Variants in DNAH17 observed in about 807,000 individuals in gnomAD.
DNAH17 encodes dynein axonemal heavy chain 17.
DNAH17 carries 376 observed loss-of-function variants against 485.6 expected under a neutral mutation model. That is an observed-to-expected ratio of 0.77 (90% CI 0.71 to 0.84). The LOEUF (loss-of-function observed/expected upper bound fraction) is 0.84. Among genes scored for constraint, DNAH17 ranks in the 40% least tolerant of loss-of-function variants. DNAH17 has a pLI of 0.00. For missense variants in DNAH17, 6,370 were observed against 5,839.3 expected, an observed-to-expected ratio of 1.09 and a Z score of -2.96; for synonymous variants, 3,031 against 2,405.9, an observed-to-expected ratio of 1.26 and a Z score of -7.60.
At chr17:78,438,425 A>AGGG (rs2086925940) in intron 73 of DNAH17, among the ~76,000 whole-genome samples, 1 of 5,136 alleles carries the variant, frequency 1.9e-4, no homozygotes, top group African/African-American at 9.2e-4. Context: ...AAGTGAGGAG[A>AGGG]AGGAGGAGGA....
chr17:78,451,538 C>G lies in DNAH17; in HGVS notation c.10665G>C (p.Arg3555Ser), dbSNP rs749951856. 6.2e-7 allele frequency: 1 copy of G among 1,613,712 alleles called. No homozygotes were observed. Among genetic ancestry groups the G allele is most frequent in the Non-Finnish European group, 8.5e-7 (1 of 1,179,816 alleles). The change falls in exon 66 of 81, where the codon AGG (arginine) becomes AGC (serine). Residue 3555 changes from arginine to serine, a missense_variant. By Grantham distance (110) the Arg-to-Ser change is moderately radical. Coordinates refer to ENST00000389840, the MANE Select transcript of DNAH17 (RefSeq NM_173628.4). ...CCAAGAGTTGGTCCTCGAGTCCATC[C>G]CTGGTGACCAGGAAGTTGATGAGGG... ...QCTLINFLVTRDGLEDQLLAA... is the reference protein window; with the variant it reads ...QCTLINFLVTSDGLEDQLLAA...
intron 51 of DNAH17, among the ~76,000 whole-genome samples, chr17:78,477,868 C>T (rs1265082153): frequency 6.6e-6 from 1 of 152,024 alleles, no homozygotes; most frequent in Non-Finnish European, 1.5e-5. Flanking sequence ...AATATTATTA[C>T]CATCACCACC....
intron 17 of DNAH17, among the ~76,000 whole-genome samples, chr17:78,543,287 G>GTATTTT (rs1200669389): frequency 2.2e-5 from 3 of 139,228 alleles, no homozygotes; most frequent in African/African-American, 8.2e-5. Flanking sequence ...GTTAATTTTT[G>GTATTTT]TTTTTTTTTT....
In DNAH17 at chr17:78,499,041, G is replaced by C. The variant is rs1035524555; in HGVS notation, c.5712C>G (p.Ile1904Met). The change falls in exon 37 of 81, where the codon ATC (isoleucine) becomes ATG (methionine). Residue 1904 changes from isoleucine (I) to methionine (M), a missense_variant. Coordinates refer to ENST00000389840, the MANE Select transcript of DNAH17 (RefSeq NM_173628.4). ...CAATCACAGACAAGACTTCCACTGA[G>C]ATGCGATTAAACTCGTCAAAGCAGC... ...AWGCFDEFNR[I>M]SVEVLSVIAV... 1 of 1,611,230 alleles carries C rather than the reference G, an allele frequency of 6.2e-7. No individual in the cohort carries two copies.
chr17:78,548,154 A>G (rs1168261496), intron 16 of DNAH17, among the ~76,000 whole-genome samples: 1 of 137,192 alleles, frequency 7.3e-6, no homozygotes, highest in Non-Finnish European at 1.6e-5. Flanking sequence ...CTTTCCTCTC[A>G]TTCTGTTCTT....
At chr17:78,461,128 G>C (rs1186014964) in intron 58 of DNAH17, among the ~76,000 whole-genome samples, 1 of 152,042 alleles carries the variant, frequency 6.6e-6, no homozygotes, top group South Asian at 2.1e-4. Context: ...CTCGGGGGGG[G>C]CCCGGAGCCG....
At chr17:78,433,263 G>A (rs2086743968) in intron 75 of DNAH17, among the ~76,000 whole-genome samples, 1 of 152,190 alleles carries the variant, frequency 6.6e-6, no homozygotes, top group East Asian at 1.9e-4. Flanking sequence ...TCCAGTTTAT[G>A]GTTGGGGTGG....
chr17:78,458,372 G>A, intron 62 of DNAH17, 193 bp downstream of exon 62: 2 of 599,572 alleles, frequency 3.3e-6, no homozygotes. Context: ...ACGCGACAGG[G>A]CATATTTTGT....
In DNAH17 at chr17:78,530,372, C is replaced by T. The variant is rs748561977; in HGVS notation, c.3255G>A (p.Lys1085=). 1 of 1,612,148 alleles carries T rather than the reference C, an allele frequency of 6.2e-7. No homozygotes were observed. Among genetic ancestry groups the T allele is most frequent in the South Asian group, 1.1e-5 (1 of 91,014 alleles). Residue 1085 remains lysine (K), a synonymous_variant, in exon 21 of 81, where the codon AAG becomes AAA. Transcript: ENST00000389840. ...TGGTGACGTGGTTGCTCAGGTGCCG[C>T]TTGAACATGAAGCCCCAGCGCCGGA... The part of the protein sequence containing the change: ...STIRRWGFMF[K]RHLSNHVTNS...
intron 66 of DNAH17, among the ~76,000 whole-genome samples, chr17:78,451,261 G>C (rs965517757): frequency 6.6e-6 from 1 of 152,234 alleles, no homozygotes; most frequent in African/African-American, 2.4e-5. Context: ...ATTAAATTTG[G>C]GAGCAGGAAG....
At position 78,574,890 on chromosome 17, in the gene DNAH17, G is replaced by A. The variant is rs369784690; in HGVS notation, c.168C>T (p.Leu56=). ...AGGGTATGATCATGCCGGCTGCATT[G>A]AGCGTCAGCACCAGCACCTGGACGT... The part of the protein sequence containing the change: ...KPDVQVLVLT[L]NAAGMIIPCL... The change falls in exon 2 of 81, where the codon CTC becomes CTT. Residue 56 remains leucine, a synonymous_variant. Transcript: ENST00000389840. The A allele has an allele frequency of 1.1e-5, 17 of 1,613,996 alleles. No individual in the cohort carries two copies. The highest frequency in any genetic ancestry group is 1.4e-5 in the Non-Finnish European group (17 of 1,179,898).
At chr17:78,510,200 TAAAC>T (rs71161608) in intron 27 of DNAH17, among the ~76,000 whole-genome samples, 180 bp downstream of exon 27, 4,346 of 152,206 alleles carry the variant, frequency 0.029, 75 homozygotes, top group Middle Eastern at 0.058. Context: ...TAAAAAATAA[TAAAC>T]AAACAAATAG....
intron 17 of DNAH17, among the ~76,000 whole-genome samples, chr17:78,540,451 G>GTGGA (rs1329177222): frequency 6.6e-5 from 1 of 15,264 alleles, no homozygotes; most frequent in Non-Finnish European, 1.2e-4. Flanking sequence ...GGATGGATGG[G>GTGGA]TGGGTGGGTG....
In DNAH17 at chr17:78,426,524, A is replaced by G. The variant is rs535379541; in HGVS notation, c.12848T>C (p.Val4283Ala). 5.0e-6 allele frequency: 8 copies of G among 1,613,736 alleles called. No homozygotes were observed. Among genetic ancestry groups the G allele is most frequent in the Admixed American group, 1.7e-5 (1 of 60,002 alleles). The change falls in exon 79 of 81, where the codon GTG (valine) becomes GCG (alanine). Residue 4283 changes from valine to alanine, a missense_variant. By Grantham distance (64) the Val-to-Ala change is moderately conservative. Coordinates refer to ENST00000389840, the MANE Select transcript of DNAH17 (RefSeq NM_173628.4). ...LFYDTVPDTW[V>A]ARAYPSMMGL... ...CATCATGGAGGGGTAGGCCCGGGCCACCCACGTATCAGGCACGGTGTCATA... is the reference window on the plus strand; with the variant it reads ...CATCATGGAGGGGTAGGCCCGGGCCGCCCACGTATCAGGCACGGTGTCATA...
At chr17:78,494,350 G>A (rs1418200896) in intron 40 of DNAH17, among the ~76,000 whole-genome samples, 177 bp from the exon 41 acceptor site, 3 of 148,986 alleles carry the variant, frequency 2.0e-5, no homozygotes, top group East Asian at 2.0e-4. Context: ...GCTCCACCGC[G>A]ACCTCATGCA....
chr17:78,507,445 G>C lies in DNAH17; in HGVS notation c.4584+13C>G. 1.2e-6 allele frequency: 2 copies of C among 1,612,862 alleles called. No homozygotes were observed. Among genetic ancestry groups the C allele is most frequent in the East Asian group, 2.2e-5 (1 of 44,832 alleles). ...ATTTCTGAAGTGCGTGGGAACCACC[G>C]GGCTGTGCTCACCTTGAATTCCTGG... On this transcript the variant is annotated intron_variant, in intron 28 of 80. Transcript: ENST00000389840.
intron 19 of DNAH17, among the ~76,000 whole-genome samples, chr17:78,535,041 C>T (rs60561806): frequency 0.01 from 1,596 of 152,276 alleles, 34 homozygotes; most frequent in African/African-American, 0.037. Context: ...AGCAGGCTTT[C>T]GAGGGACCCT....
chr17:78,463,396 G>A (rs1254559482), intron 56 of DNAH17, among the ~76,000 whole-genome samples: 5 of 151,434 alleles, frequency 3.3e-5, no homozygotes, highest in East Asian at 3.9e-4. Context: ...GCATATATAC[G>A]CGTGCACACG....
At chr17:78,511,611 A>T (rs922089469) in intron 26 of DNAH17, among the ~76,000 whole-genome samples, 1 of 152,172 alleles carries the variant, frequency 6.6e-6, no homozygotes, top group African/African-American at 2.4e-5. Flanking sequence ...AGTGCCACCC[A>T]CTTCCCAAAT....
Sources: gnomAD v4.1 joint callset for allele counts (sites outside exome capture counted in the v4.1 genomes callset) on GRCh38, gnomAD v4.1.1 for gene constraint, MANE v1.5 for transcripts, NCBI Gene and HGNC (gene_info 2026-07-23, HGNC 2026-07-21) for gene names.